HTR1F: variants seen among roughly 807,000 people sequenced by gnomAD.
The protein encoded by HTR1F is 5-hydroxytryptamine receptor 1F.
Under a neutral mutation model 24.0 loss-of-function variants are expected in HTR1F, and 17 were observed. The observed-to-expected ratio is 0.71, with a 90% confidence interval of 0.48 to 1.06. The LOEUF (loss-of-function observed/expected upper bound fraction) is 1.06. HTR1F is among the 50% of genes least tolerant of loss of function. The pLI is 0.00. For synonymous variants in HTR1F, 186 were observed against 156.8 expected, an observed-to-expected ratio of 1.19 and a Z score of -1.39; for missense variants, 391 against 427.8, an observed-to-expected ratio of 0.91 and a Z score of 0.76.
At chr3:87,885,651 A>G (rs560461321) in intron 2 of HTR1F, among the ~76,000 whole-genome samples, 1 of 152,170 alleles carries the variant, frequency 6.6e-6, no homozygotes, top group Admixed American at 6.5e-5. Context: ...AAAATGATAA[A>G]GGGGATATCA....
At chr3:87,936,815 A>G (rs1704430703) in intron 2 of HTR1F, among the ~76,000 whole-genome samples, 1 of 152,088 alleles carries the variant, frequency 6.6e-6, no homozygotes, top group Admixed American at 6.6e-5. Flanking sequence ...AAGTCCATTC[A>G]TTTGACTGAG....
intron 2 of HTR1F, among the ~76,000 whole-genome samples, chr3:87,906,889 G>C (rs1370358025): frequency 6.6e-6 from 1 of 152,044 alleles, no homozygotes; most frequent in Non-Finnish European, 1.5e-5. Flanking sequence ...TGGCTGAGTA[G>C]TATTCCATGG....
At chr3:87,821,910 A>T (rs561298830) in intron 1 of HTR1F, among the ~76,000 whole-genome samples, 98 bp from the exon 2 acceptor site, 2 of 152,186 alleles carry the variant, frequency 1.3e-5, no homozygotes, top group Non-Finnish European at 2.9e-5. Flanking sequence ...AAAGAAAGGT[A>T]ACAATTGTTT....
chr3:87,971,949 T>C (rs1464128453), intron 2 of HTR1F, among the ~76,000 whole-genome samples: 1 of 152,222 alleles, frequency 6.6e-6, no homozygotes, highest in African/African-American at 2.4e-5. Context: ...TTCTTAGAAA[T>C]AGAATGACTG....
chr3:87,808,178 T>C (rs1704103309), intron 1 of HTR1F, among the ~76,000 whole-genome samples: 1 of 151,984 alleles, frequency 6.6e-6, no homozygotes, highest in Non-Finnish European at 1.5e-5. Context: ...TTTGGAATAG[T>C]TTGAGGAGAA....
chr3:87,795,984 C>T (rs781664491), intron 1 of HTR1F, among the ~76,000 whole-genome samples: 3 of 152,126 alleles, frequency 2.0e-5, no homozygotes, highest in Non-Finnish European at 2.9e-5. Context: ...GTACAGAGCT[C>T]GTATTTTCTT....
chr3:87,897,735 T>G (rs1706233555), intron 2 of HTR1F, among the ~76,000 whole-genome samples: 1 of 152,042 alleles, frequency 6.6e-6, no homozygotes, highest in African/African-American at 2.4e-5. Flanking sequence ...AACCATTTTG[T>G]TTTATCCACT....
At chr3:87,936,429 A>C (rs1704416675) in intron 2 of HTR1F, among the ~76,000 whole-genome samples, 1 of 152,204 alleles carries the variant, frequency 6.6e-6, no homozygotes, top group South Asian at 2.1e-4. Context: ...CGACTGCTTT[A>C]GGATTTATCT....
At chr3:87,951,776 TA>T (rs1704839523) in intron 2 of HTR1F, among the ~76,000 whole-genome samples, 1 of 152,100 alleles carries the variant, frequency 6.6e-6, no homozygotes. Flanking sequence ...TCCATCATTT[TA>T]GTATCATACA....
In HTR1F at chr3:87,993,356, T is replaced by C. The variant is rs537853524; in HGVS notation, c.*1506T>C. On this transcript the variant is annotated 3_prime_UTR_variant, in exon 3 of 3. Transcript: ENST00000319595. ...ATACGAAATAATAAAATACAGTTTT[T>C]TTTCCTGAATATGTTTACAGTCTAA... 86 of 166,728 alleles carry C rather than the reference T, an allele frequency of 5.2e-4. No individual in the cohort carries two copies. Among genetic ancestry groups the C allele is most frequent in the Non-Finnish European group, 1.6e-4 (11 of 68,066 alleles). The allele number at this position is 166,728 out of a possible 1,614,324, so 10.3% of individuals were successfully genotyped here.
intron 2 of HTR1F, among the ~76,000 whole-genome samples, chr3:87,913,990 A>AC (rs918922051): frequency 2.0e-5 from 3 of 152,208 alleles, no homozygotes; most frequent in African/African-American, 7.2e-5. Context: ...GGATCCACAG[A>AC]CCCCCTGAAG....
At chr3:87,952,927 C>T (rs1224808613) in intron 2 of HTR1F, among the ~76,000 whole-genome samples, 1 of 151,588 alleles carries the variant, frequency 6.6e-6, no homozygotes, top group Non-Finnish European at 1.5e-5. Context: ...ATATTTTCTA[C>T]AATTACTTGA....
chr3:87,965,775 G>A (rs1705151509), intron 2 of HTR1F, among the ~76,000 whole-genome samples: 1 of 152,148 alleles, frequency 6.6e-6, no homozygotes, highest in Non-Finnish European at 1.5e-5. Context: ...TTAGCAAGGA[G>A]TACTAAGGCA....
chr3:87,931,289 A>G (rs1704264514), intron 2 of HTR1F, among the ~76,000 whole-genome samples: 1 of 151,938 alleles, frequency 6.6e-6, no homozygotes, highest in South Asian at 2.1e-4. Context: ...ATGAGTGAGA[A>G]CATGCGGTGT....
chr3:87,953,358 A>G (rs1704876004), intron 2 of HTR1F, among the ~76,000 whole-genome samples: 1 of 151,672 alleles, frequency 6.6e-6, no homozygotes, highest in South Asian at 2.1e-4. Flanking sequence ...ACGGCAAAAA[A>G]AAAAAGAAAA....
At chr3:87,892,392 T>C (rs1298571206) in intron 2 of HTR1F, among the ~76,000 whole-genome samples, 1 of 149,516 alleles carries the variant, frequency 6.7e-6, no homozygotes, top group African/African-American at 2.4e-5. Context: ...AATTTTTCAG[T>C]TTAATATCCA....
At chr3:87,813,107 G>T (rs1704188505) in intron 1 of HTR1F, among the ~76,000 whole-genome samples, 1 of 152,180 alleles carries the variant, frequency 6.6e-6, no homozygotes, top group African/African-American at 2.4e-5. Flanking sequence ...GAAGTTGTGA[G>T]AAGAGGGTCA....
intron 2 of HTR1F, among the ~76,000 whole-genome samples, chr3:87,937,869 A>G (rs1446032862): frequency 2.6e-5 from 4 of 151,258 alleles, no homozygotes; most frequent in Non-Finnish European, 4.4e-5. Flanking sequence ...GGTTGCAGTG[A>G]GCCGAGATCG....
chr3:87,945,091 ATC>A (rs201202905), intron 2 of HTR1F, among the ~76,000 whole-genome samples: 1 of 146,672 alleles, frequency 6.8e-6, no homozygotes, highest in African/African-American at 2.5e-5. Flanking sequence ...TCTCTCCTCC[ATC>A]TCTCTCTCTG....
Sources: gnomAD v4.1 joint callset for allele counts (sites outside exome capture counted in the v4.1 genomes callset) on GRCh38, gnomAD v4.1.1 for gene constraint, MANE v1.5 for transcripts, NCBI Gene and HGNC (gene_info 2026-07-23, HGNC 2026-07-21) for gene names.